The following FZD8 variants were observed in gnomAD, a reference collection of about 807,000 sequenced individuals.
FZD8 encodes frizzled-8.
In FZD8, 18 loss-of-function variants were observed where a neutral mutation model predicts 46.0. The observed-to-expected ratio is 0.39, with a 90% confidence interval of 0.27 to 0.58. FZD8 has a LOEUF of 0.58. Among genes scored for constraint, FZD8 ranks in the 20% least tolerant of loss-of-function variants. The probability of loss-of-function intolerance (pLI) is 0.55; values close to 1 mark genes in which losing one functional copy is unlikely to be tolerated. For missense variants in FZD8, 785 were observed against 983.4 expected, an observed-to-expected ratio of 0.80 and a Z score of 2.70; for synonymous variants, 586 against 467.9, an observed-to-expected ratio of 1.25 and a Z score of -3.26.
chr10:35,639,861 C>G lies in FZD8; in HGVS notation c.1569G>C (p.Thr523=). The G allele has an allele frequency of 1.2e-6, 2 of 1,610,328 alleles. No individual in the cohort carries two copies. Among genetic ancestry groups the G allele is most frequent in the Non-Finnish European group, 1.7e-6 (2 of 1,179,864 alleles). Residue 523 remains threonine (T), a synonymous_variant, in exon 1 of 1, where the codon ACG becomes ACC. Transcript: ENST00000374694. ...GGATCATCAGCTTCTCCAGCTTGTG[C>G]GTCTTGGTGGGGCCGTCCTGTTGCT... The part of the protein sequence containing the change: ...VIKQQDGPTK[T]HKLEKLMIRL...
Position 35,640,529 on chromosome 10 carries a change from T to G in FZD8, c.901A>C (p.Ile301Leu), listed in dbSNP as rs747121912. ...GGGTACTTGAAGCGCTCCATGTCGA[T>G]AAGGAAGGTGGAGACGGTGGCGAAG... ...STFATVSTFL[I>L]DMERFKYPER... Residue 301 changes from isoleucine to leucine, a missense_variant, in exon 1 of 1, where the codon ATC becomes CTC. By Grantham distance (5) the Ile-to-Leu change is conservative (BLOSUM62 2). Coordinates refer to ENST00000374694, the MANE Select transcript of FZD8 (RefSeq NM_031866.3). The G allele has an allele frequency of 1.9e-6, 3 of 1,587,176 alleles. No homozygotes were observed. Among genetic ancestry groups the G allele is most frequent in the South Asian group, 2.3e-5 (2 of 88,806 alleles).
At position 35,640,203 on chromosome 10, in the gene FZD8, G is replaced by A. The variant is rs74989785; in HGVS notation, c.1227C>T (p.Ala409=). The A allele has an allele frequency of 0.02, 32,176 of 1,612,918 alleles. 943 individuals carry two copies. Among genetic ancestry groups the A allele is most frequent in the East Asian group, 0.14 (6,061 of 44,822 alleles). Residue 409 remains alanine (A), a synonymous_variant, in exon 1 of 1, where the codon GCC becomes GCT. Transcript: ENST00000374694. ...ACAAGATCACCCACCAGATGGAGCTGGCCATGCCGAAGAAGTAGACCAGCA... is the reference window on the plus strand; with the variant it reads ...ACAAGATCACCCACCAGATGGAGCTAGCCATGCCGAAGAAGTAGACCAGCA... ...VFLLVYFFGM[A]SSIWWVILSL...
Position 35,640,726 on chromosome 10 carries a change from C to T in FZD8, c.704G>A (p.Arg235His). ...GCTGGACACGCTCACCATAGGCGCGCGGCACTGGCACCCGGGCTCGCAGGG... is the reference window on the plus strand; with the variant it reads ...GCTGGACACGCTCACCATAGGCGCGTGGCACTGGCACCCGGGCTCGCAGGG... ...AAPCEPGCQC[R>H]APMVSVSSER... Residue 235 changes from arginine (R) to histidine (H), a missense_variant, in exon 1 of 1, where the codon CGC becomes CAC. Physicochemically the swap from Arg to His is conservative, Grantham distance 29. Around this residue, in one of 5 missense-constraint regions of FZD8, gnomAD observed 354 missense variants for 433.2 expected, o/e 0.82. Coordinates refer to ENST00000374694, the MANE Select transcript of FZD8 (RefSeq NM_031866.3). The T allele has an allele frequency of 7.0e-7, 1 of 1,419,524 alleles. No individual in the cohort carries two copies. Among genetic ancestry groups the T allele is most frequent in the Non-Finnish European group, 9.3e-7 (1 of 1,070,540 alleles). 87.9% of individuals were successfully genotyped at this position (1,419,524 alleles called of 1,614,324 possible). A position where few individuals can be genotyped will look rare whatever the true frequency, so the allele number is the denominator to read the frequency against.
rs756877656 is a variant in FZD8 at position 35,640,011 on chromosome 10, C to T, written c.1419G>A (p.Val473=). 3 of 1,611,980 alleles carry T rather than the reference C, an allele frequency of 1.9e-6. No homozygotes were observed. Among genetic ancestry groups the T allele is most frequent in the Non-Finnish European group, 2.5e-6 (3 of 1,179,822 alleles). ...GCAGGTTGTCCAGGCTCTGGTTGCCCACGTAGCAGATGCCCGCCACCGGGT... is the reference window on the plus strand; with the variant it reads ...GCAGGTTGTCCAGGCTCTGGTTGCCTACGTAGCAGATGCCCGCCACCGGGT... ...DGDPVAGICY[V]GNQSLDNLRG... Residue 473 remains valine, a synonymous_variant, in exon 1 of 1, where the codon GTG becomes GTA. Transcript: ENST00000374694.
At position 35,639,507 on chromosome 10, in the gene FZD8, G is replaced by A; in HGVS notation, c.1923C>T (p.Gly641=). The A allele has an allele frequency of 4.2e-6, 4 of 953,642 alleles. No individual in the cohort carries two copies. The highest frequency in any genetic ancestry group is 6.1e-5 in the Admixed American group (1 of 16,488). 59.1% of individuals were successfully genotyped at this position (953,642 alleles called of 1,614,324 possible). A position where few individuals can be genotyped will look rare whatever the true frequency, so the allele number is the denominator to read the frequency against. ...CGCCGCCGCCGCCCCCCGGCCCGCC[G>A]CCACCCCCCGCGGCCGTGGCGCCCG... ...GGAGATAAGG[G]GGPGGGGGGG... The change falls in exon 1 of 1, where the codon GGC becomes GGT. Residue 641 remains glycine, a synonymous_variant. Coordinates refer to ENST00000374694, the MANE Select transcript of FZD8 (RefSeq NM_031866.3).
In FZD8 at chr10:35,639,742, G is replaced by A. The variant is rs1446331314; in HGVS notation, c.1688C>T (p.Ala563Val). The A allele has an allele frequency of 6.2e-7, 1 of 1,600,216 alleles. No homozygotes were observed. Among genetic ancestry groups the A allele is most frequent in the Non-Finnish European group, 8.5e-7 (1 of 1,179,730 alleles). ...CCGCAGGCACGGGCAGTTGTGCGTGGCCTCCCAGCGCGGGCGGTTGTGCTG... is the reference window on the plus strand; with the variant it reads ...CCGCAGGCACGGGCAGTTGTGCGTGACCTCCCAGCGCGGGCGGTTGTGCTG... Reference protein sequence around the residue: ...YEQHNRPRWEATHNCPCLRDL... With the variant: ...YEQHNRPRWEVTHNCPCLRDL... Residue 563 changes from alanine to valine, a missense_variant, in exon 1 of 1, where the codon GCC becomes GTC. Physicochemically the swap from Ala to Val is moderately conservative, Grantham distance 64 (BLOSUM62 0). Transcript: ENST00000374694.
chr10:35,639,350 C>T lies in FZD8; in HGVS notation c.2080G>A (p.Val694Ile). The change falls in exon 1 of 1, where the codon GTC becomes ATC. Residue 694 changes from valine to isoleucine, a missense_variant. Val to Ile is a conservative substitution (Grantham distance 29). This residue lies in a region of FZD8 where 185 missense variants were observed against 180.8 expected (regional missense o/e 1.02). Coordinates refer to ENST00000374694, the MANE Select transcript of FZD8 (RefSeq NM_031866.3). ...GGGCGCCCCCTCCCCTCCGCTCAGA[C>T]CTGGGACAATGGCATCTGCTTTGGA... ...SYPKQMPLSQ[V>I] 7.0e-7 allele frequency: 1 copy of T among 1,422,190 alleles called. No homozygotes were observed. The highest frequency in any genetic ancestry group is 9.4e-7 in the Non-Finnish European group (1 of 1,059,904). The allele number at this position is 1,422,190 out of a possible 1,614,324, so 88.1% of individuals were successfully genotyped here. A position where few individuals can be genotyped will look rare whatever the true frequency, so the allele number is the denominator to read the frequency against.
chr10:35,642,280 G>C lies in FZD8; in HGVS notation c.-851C>G, dbSNP rs901046474. 1 of 152,170 alleles carries C rather than the reference G, an allele frequency of 6.6e-6. No homozygotes were observed. Among genetic ancestry groups the C allele is most frequent in the African/African-American group, 2.4e-5 (1 of 41,356 alleles). 9.4% of individuals were successfully genotyped at this position (152,170 alleles called of 1,614,324 possible). A position where few individuals can be genotyped will look rare whatever the true frequency, so the allele number is the denominator to read the frequency against. On this transcript the variant is annotated 5_prime_UTR_variant, in exon 1 of 1. Transcript: ENST00000374694. ...GCAGCGCCCTTAGCCCAACTTCCCG[G>C]CTCCAGCCCCGCTCGCGCCGCGCTG...
Position 35,641,138 on chromosome 10 carries a change from C to G in FZD8, c.292G>C (p.Glu98Gln). Residue 98 changes from glutamate (E) to glutamine (Q), a missense_variant, in exon 1 of 1, where the codon GAG (glutamate) becomes CAG (glutamine). Transcript: ENST00000374694. This position sits in a 1 kb window ranked among gnomAD's most constrained non-coding sequence, Gnocchi z 6.3. ...LCSMYTPICLEDYKKPLPPCR... is the reference protein window; with the variant it reads ...LCSMYTPICLQDYKKPLPPCR... The stretch of plus-strand genomic sequence containing the variant: ...GGCGGCAGCGGCTTCTTGTAGTCCT[C>G]TAGGCAGATGGGCGTGTACATGCTG... 1 of 1,613,396 alleles carries G rather than the reference C, an allele frequency of 6.2e-7. No individual in the cohort carries two copies.
chr10:35,640,559 A>G lies in FZD8; in HGVS notation c.871T>C (p.Ser291Pro). Residue 291 changes from serine (S) to proline (P), a missense_variant, in exon 1 of 1, where the codon TCC (serine) becomes CCC (proline). By Grantham distance (74) the Ser-to-Pro change is moderately conservative (BLOSUM62 -1). This residue lies in a region of FZD8 where 354 missense variants were observed against 433.2 expected (regional missense o/e 0.82). Transcript: ENST00000374694. Reference protein sequence around the residue: ...IGLWSVLCFVSTFATVSTFLI... With the variant: ...IGLWSVLCFVPTFATVSTFLI... ...AAGGTGGAGACGGTGGCGAAGGTGG[A>G]CACGAAGCAGAGCACCGACCACAGG... is the stretch of plus-strand genomic sequence containing the variant. 1 of 1,585,906 alleles carries G rather than the reference A, an allele frequency of 6.3e-7. No homozygotes were observed.
In FZD8 at chr10:35,641,724, G is replaced by A. The variant is rs182571708; in HGVS notation, c.-295C>T. 553 of 288,180 alleles carry A rather than the reference G, an allele frequency of 1.9e-3. 2 individuals carry two copies. Among genetic ancestry groups the A allele is most frequent in the African/African-American group, 0.011 (506 of 45,352 alleles). 17.9% of individuals were successfully genotyped at this position (288,180 alleles called of 1,614,324 possible). On this transcript the variant is annotated 5_prime_UTR_variant, in exon 1 of 1. Transcript: ENST00000374694. The surrounding 1 kb of genome is among the most constrained non-coding windows in gnomAD (Gnocchi z 6.3). ...AGGTCCGCTCTGCTGGCCCCGGGTC[G>A]CGCTCAGCCCTCGCGGCGCAGAGCG...
chr10:35,638,445 T>C lies in FZD8; in HGVS notation c.*900A>G, dbSNP rs1835796908. 1 of 152,730 alleles carries C rather than the reference T, an allele frequency of 6.5e-6. No individual in the cohort carries two copies. Among genetic ancestry groups the C allele is most frequent in the Non-Finnish European group, 1.5e-5 (1 of 68,040 alleles). The allele number at this position is 152,730 out of a possible 1,614,324, so 9.5% of individuals were successfully genotyped here. On this transcript the variant is annotated 3_prime_UTR_variant, in exon 1 of 1. Transcript: ENST00000374694. ...TTTTGATTTCAGTTCAACAATGATA[T>C]TTACTTGGCTAACAACTTAAGAACT...
At position 35,640,308 on chromosome 10, in the gene FZD8, GCCGCGCCCGCCCGGGCCGC is replaced by G; in HGVS notation, c.1103_1121del (p.Gly368AlafsTer42). On this transcript the variant is annotated frameshift_variant, in exon 1 of 1. Coordinates refer to ENST00000374694, the MANE Select transcript of FZD8 (RefSeq NM_031866.3). LOFTEE classifies it high-confidence loss of function. ...CCACCGCGCCCAGCTCCTCGTACTC[GCCGCGCCCGCCCGGGCCGC>G]CCGCGCCCGCGCCCGCCGCGCCCGC... is the stretch of plus-strand genomic sequence containing the variant. 1.4e-6 allele frequency: 2 copies of G among 1,413,058 alleles called. No individual in the cohort carries two copies. The highest frequency in any genetic ancestry group is 9.3e-7 in the Non-Finnish European group (1 of 1,072,984). The allele number at this position is 1,413,058 out of a possible 1,614,324, so 87.5% of individuals were successfully genotyped here.
Position 35,641,598 on chromosome 10 carries a change from GT to G in FZD8, c.-170del, listed in dbSNP as rs1174457555. 3 of 872,520 alleles carry G rather than the reference GT, an allele frequency of 3.4e-6. No homozygotes were observed. The highest frequency in any genetic ancestry group is 5.1e-6 in the Non-Finnish European group (3 of 593,694). The allele number at this position is 872,520 out of a possible 1,614,324, so 54.0% of individuals were successfully genotyped here. On this transcript the variant is annotated 5_prime_UTR_variant, in exon 1 of 1. Coordinates refer to ENST00000374694, the MANE Select transcript of FZD8 (RefSeq NM_031866.3). The surrounding 1 kb of genome is among the most constrained non-coding windows in gnomAD (Gnocchi z 6.3). ...ATAATCTAACCCCTTCTAGGGGCGC[GT>G]CCGCAGCGGCGCGGCCCGCAGCCTG... is the stretch of plus-strand genomic sequence containing the variant.
chr10:35,640,004 G>C lies in FZD8; in HGVS notation c.1426C>G (p.Gln476Glu). The change falls in exon 1 of 1, where the codon CAG becomes GAG. Residue 476 changes from glutamine to glutamate, a missense_variant. By Grantham distance (29) the Gln-to-Glu change is conservative. This residue lies in a region of FZD8 where 147 missense variants were observed against 242.5 expected (regional missense o/e 0.61). Transcript: ENST00000374694. ...PVAGICYVGN[Q>E]SLDNLRGFVL... ...AAGCCGCGCAGGTTGTCCAGGCTCT[G>C]GTTGCCCACGTAGCAGATGCCCGCC... 6.2e-7 allele frequency: 1 copy of C among 1,612,254 alleles called. No homozygotes were observed. The highest frequency in any genetic ancestry group is 8.5e-7 in the Non-Finnish European group (1 of 1,179,830).
Position 35,639,494 on chromosome 10 carries a change from C to T in FZD8, c.1936G>A (p.Gly646Ser), listed in dbSNP as rs1401364307. 2.0e-6 allele frequency: 2 copies of T among 985,116 alleles called. No homozygotes were observed. The highest frequency in any genetic ancestry group is 2.4e-6 in the Non-Finnish European group (2 of 829,176). The allele number at this position is 985,116 out of a possible 1,614,324, so 61.0% of individuals were successfully genotyped here. The stretch of plus-strand genomic sequence containing the variant: ...CCGCCGGGTCCCCCGCCGCCGCCGC[C>T]CCCCGGCCCGCCGCCACCCCCCGCG... ...TAAGGGGGPG[G>S]GGGGGPGGGG... The change falls in exon 1 of 1, where the codon GGC becomes AGC. Residue 646 changes from glycine (G) to serine (S), a missense_variant. Physicochemically the swap from Gly to Ser is moderately conservative, Grantham distance 56. This residue lies in a region of FZD8 where 185 missense variants were observed against 180.8 expected (regional missense o/e 1.02). Transcript: ENST00000374694.
At position 35,640,103 on chromosome 10, in the gene FZD8, G is replaced by A; in HGVS notation, c.1327C>T (p.Leu443=). 1.2e-6 allele frequency: 2 copies of A among 1,612,386 alleles called. No homozygotes were observed. The highest frequency in any genetic ancestry group is 2.2e-5 in the East Asian group (1 of 44,812). ...ACGCTGGGCACAAGCCACGCGGCCA[G>A]GTGGAAGTACTGCGAGTAGCCGGCG... The part of the protein sequence containing the change: ...AIAGYSQYFH[L]AAWLVPSVKS... The change falls in exon 1 of 1, where the codon CTG becomes TTG. Residue 443 remains leucine, a synonymous_variant. Transcript: ENST00000374694.
At position 35,640,967 on chromosome 10, in the gene FZD8, C is replaced by T. The variant is rs746630867; in HGVS notation, c.463G>A (p.Asp155Asn). The T allele has an allele frequency of 1.3e-6, 2 of 1,581,838 alleles. No individual in the cohort carries two copies. The highest frequency in any genetic ancestry group is 2.3e-5 in the East Asian group (1 of 42,938). The change falls in exon 1 of 1, where the codon GAC (aspartate) becomes AAC (asparagine). Residue 155 changes from aspartate to asparagine, a missense_variant. Asp to Asn is a conservative substitution (Grantham distance 23). Coordinates refer to ENST00000374694, the MANE Select transcript of FZD8 (RefSeq NM_031866.3). Reference protein sequence around the residue: ...DTLCMDYNRTDLTTAAPSPPR... With the variant: ...DTLCMDYNRTNLTTAAPSPPR... ...GGGCTGGGCGCGGCGGTGGTTAGGTCGGTGCGGTTGTAGTCCATGCACAGC... is the reference window on the plus strand; with the variant it reads ...GGGCTGGGCGCGGCGGTGGTTAGGTTGGTGCGGTTGTAGTCCATGCACAGC...
In FZD8 at chr10:35,639,705, G is replaced by C; in HGVS notation, c.1725C>G (p.Pro575=). 3 of 1,599,652 alleles carry C rather than the reference G, an allele frequency of 1.9e-6. No homozygotes were observed. The highest frequency in any genetic ancestry group is 2.5e-6 in the Non-Finnish European group (3 of 1,179,692). Residue 575 remains proline, a synonymous_variant, in exon 1 of 1, where the codon CCC becomes CCG. Coordinates refer to ENST00000374694, the MANE Select transcript of FZD8 (RefSeq NM_031866.3). ...HNCPCLRDLQ[P]DQARRPDYAV... ...CGTAGTCGGGCCTGCGTGCCTGGTC[G>C]GGCTGCAGGTCCCGCAGGCACGGGC...
Sources: allele counts gnomAD v4.1 joint callset, GRCh38; gene constraint gnomAD v4.1.1; regional missense constraint gnomAD v4.1.1; non-coding constraint Gnocchi (gnomAD v3.1); transcripts MANE v1.5; gene names NCBI Gene and HGNC (gene_info 2026-07-23, HGNC 2026-07-21).